PLCB3: variants seen among roughly 807,000 people sequenced by gnomAD.
The protein encoded by PLCB3 is 1-phosphatidylinositol 4,5-bisphosphate phosphodiesterase beta-3.
In PLCB3, 54 loss-of-function variants were observed where a neutral mutation model predicts 152.1. That is an observed-to-expected ratio of 0.36 (90% CI 0.29 to 0.45). The LOEUF (loss-of-function observed/expected upper bound fraction) is 0.45. Ranked by LOEUF, PLCB3 falls within the 20% of genes least tolerant of loss-of-function variation. PLCB3 has a pLI of 1.00. For synonymous variants in PLCB3, 717 were observed against 698.7 expected, an observed-to-expected ratio of 1.03 and a Z score of -0.41; for missense variants, 1,248 against 1,687.5, an observed-to-expected ratio of 0.74 and a Z score of 4.56.
rs961593326 is a variant in PLCB3 at position 64,262,736 on chromosome 11, G to A, written c.2283G>A (p.Lys761=). 4 of 1,613,866 alleles carry A rather than the reference G, an allele frequency of 2.5e-6. No individual in the cohort carries two copies. Among genetic ancestry groups the A allele is most frequent in the Middle Eastern group, 1.6e-4 (1 of 6,062 alleles). The change falls in exon 19 of 31, where the codon AAG becomes AAA. Residue 761 remains lysine, a synonymous_variant. Coordinates refer to ENST00000279230, the MANE Select transcript of PLCB3 (RefSeq NM_000932.5). ...MFGLPVDTRR[K]YRTRTSQGNS... The stretch of plus-strand genomic sequence containing the variant: ...GCCTCCCTGTTGATACGCGGCGCAA[G>A]TACCGCACCCGGACCTCTCAGGGGA...
chr11:64,252,889 G>T (rs2031308534), intron 1 of PLCB3, among the ~76,000 whole-genome samples: 1 of 152,186 alleles, frequency 6.6e-6, no homozygotes, highest in Admixed American at 6.5e-5. Context: ...CAGACCCCTG[G>T]GGAGAGGTGG....
At position 64,262,775 on chromosome 11, in the gene PLCB3, C is replaced by T. The variant is rs761637040; in HGVS notation, c.2322C>T (p.Pro774=). Residue 774 remains proline (P), a synonymous_variant, in exon 19 of 31, where the codon CCC becomes CCT. Transcript: ENST00000279230. The stretch of plus-strand genomic sequence containing the variant: ...CCTCTCAGGGGAACTCGTTCAACCC[C>T]GTGTGGGACGAAGAGCCCTTCGACT... ...TRTSQGNSFN[P]VWDEEPFDFP... The T allele has an allele frequency of 1.5e-5, 24 of 1,613,774 alleles. No homozygotes were observed. Among genetic ancestry groups the T allele is most frequent in the East Asian group, 4.5e-5 (2 of 44,884 alleles).
chr11:64,265,070 C>A lies in PLCB3; in HGVS notation c.2772C>A (p.Thr924=). 1 of 1,544,602 alleles carries A rather than the reference C, an allele frequency of 6.5e-7. No individual in the cohort carries two copies. Among genetic ancestry groups the A allele is most frequent in the East Asian group, 2.4e-5 (1 of 41,284 alleles). Residue 924 remains threonine, a synonymous_variant, in exon 23 of 31, where the codon ACC becomes ACA. Coordinates refer to ENST00000279230, the MANE Select transcript of PLCB3 (RefSeq NM_000932.5). The part of the protein sequence containing the change: ...DASPRRPPGP[T]TSPASTSLSS... ...CCCCCCGCCGGCCCCCTGGCCCCAC[C>A]ACCTCCCCTGCCAGCACCTCCCTCA... is the stretch of plus-strand genomic sequence containing the variant.
chr11:64,263,124 G>T (rs984867403), intron 19 of PLCB3, among the ~76,000 whole-genome samples: 2 of 152,182 alleles, frequency 1.3e-5, no homozygotes, highest in Admixed American at 1.3e-4. Flanking sequence ...GCTCATATCC[G>T]CTCTTCAGCA....
At chr11:64,256,997 C>G (rs76342273) in intron 10 of PLCB3, among the ~76,000 whole-genome samples, 1 of 61,562 alleles carries the variant, frequency 1.6e-5, no homozygotes, top group Non-Finnish European at 2.9e-5. Context: ...CTTCAGGGTC[C>G]TTTTTTTTTT....
At chr11:64,254,654 G>A (rs2031419801) in intron 2 of PLCB3, 94 bp from the exon 3 acceptor site, 2 of 1,428,582 alleles carry the variant, frequency 1.4e-6, no homozygotes, top group African/African-American at 1.4e-5. Context: ...ATAGCCAGGG[G>A]CTGGCCATTC....
Position 64,259,195 on chromosome 11 carries a change from T to C in PLCB3, c.1476T>C (p.Ser492=), listed in dbSNP as rs982445417. 1.3e-6 allele frequency: 2 copies of C among 1,589,972 alleles called. No homozygotes were observed. The highest frequency in any genetic ancestry group is 1.7e-6 in the Non-Finnish European group (2 of 1,168,950). ...GRKRPLEQSN[S]ALSESSAATE... ...AGCGGCCCCTGGAGCAGAGCAATTC[T>C]GCCCTGAGCGAGAGCTCCGCGGCCA... Residue 492 remains serine (S), a synonymous_variant, in exon 13 of 31, where the codon TCT becomes TCC. Transcript: ENST00000279230.
At chr11:64,262,217 C>T (rs926760543) in intron 17 of PLCB3, 141 bp downstream of exon 17, 80 of 1,341,098 alleles carry the variant, frequency 6.0e-5, no homozygotes, top group Non-Finnish European at 7.7e-5. Context: ...CGACTCACCC[C>T]GCCTCCTGCC....
At chr11:64,256,576 G>T (rs28395875) in intron 9 of PLCB3, 34 bp downstream of exon 9, 51 of 1,613,104 alleles carry the variant, frequency 3.2e-5, no homozygotes, top group Non-Finnish European at 4.1e-5. Flanking sequence ...GGTGGGGGCA[G>T]GTGGGACCCC....
In PLCB3 at chr11:64,256,703, G is replaced by C. The variant is rs146411012; in HGVS notation, c.951G>C (p.Thr317=). 19 of 1,614,118 alleles carry C rather than the reference G, an allele frequency of 1.2e-5. No individual in the cohort carries two copies. The highest frequency in any genetic ancestry group is 1.7e-5 in the Admixed American group (1 of 60,012). Residue 317 remains threonine (T), a synonymous_variant, in exon 10 of 31, where the codon ACG becomes ACC. Transcript: ENST00000279230. ...CCCTGGAAGCCCTGGATCTGAGCACGGACATGACCCAGCCACTGAGTGCCT... is the reference window on the plus strand; with the variant it reads ...CCCTGGAAGCCCTGGATCTGAGCACCGACATGACCCAGCCACTGAGTGCCT... ...ILPLEALDLS[T]DMTQPLSAYF...
intron 13 of PLCB3, 87 bp from the exon 14 acceptor site, chr11:64,259,942 C>G (rs764252696): frequency 2.7e-6 from 3 of 1,128,354 alleles, no homozygotes; most frequent in Non-Finnish European, 3.8e-6. Flanking sequence ...ACTGAGTCAC[C>G]TCGGCACACA....
intron 10 of PLCB3, among the ~76,000 whole-genome samples, chr11:64,257,943 C>G (rs1341767130): frequency 6.6e-6 from 1 of 151,998 alleles, no homozygotes; most frequent in African/African-American, 2.4e-5. Context: ...CACCTGAGGT[C>G]AGGAGTTCGA....
chr11:64,265,864 C>T lies in PLCB3; in HGVS notation c.3036-22C>T, dbSNP rs1267650755. On this transcript the variant is annotated intron_variant, in intron 25 of 30. Transcript: ENST00000279230. ...GTCCATGTGACGGGCCCAGGCATCA[C>T]CCAGAGGGGTTCTCCTCGCAGAGGT... 8 of 1,610,062 alleles carry T rather than the reference C, an allele frequency of 5.0e-6. No homozygotes were observed. In the South Asian group the frequency reaches 8.8e-5, roughly 18 times the overall value.
rs1485323529 is a variant in PLCB3, at chr11:64,258,988, AG to A, written c.1338+25del. On this transcript the variant is annotated intron_variant, in intron 12 of 30. Transcript: ENST00000279230. The surrounding 1 kb of genome is among the most constrained non-coding windows in gnomAD (Gnocchi z 7.2). ...GTACCCGGTACGGGAGCTCGGAGCGAGGGGGGTGGCATGGGGGCCAGGGTGC... is the reference window on the plus strand; with the variant it reads ...GTACCCGGTACGGGAGCTCGGAGCGAGGGGGTGGCATGGGGGCCAGGGTGC... 8 of 1,613,390 alleles carry A rather than the reference AG, an allele frequency of 5.0e-6. No individual in the cohort carries two copies. Among genetic ancestry groups the A allele is most frequent in the South Asian group, 2.2e-5 (2 of 91,076 alleles).
In PLCB3 at chr11:64,267,550, G is replaced by C. The variant is rs886939466; in HGVS notation, c.3699G>C (p.Gln1233His). ...CGGAGAGCCAGGAGGAGAACACGCA[G>C]CTCTGAACTGGCTGAGCGAGGTGGC... ...ADSESQEENT[Q>H]L The change falls in exon 31 of 31, where the codon CAG (glutamine) becomes CAC (histidine). Residue 1233 changes from glutamine (Q) to histidine (H), a missense_variant. Coordinates refer to ENST00000279230, the MANE Select transcript of PLCB3 (RefSeq NM_000932.5). This position sits in a 1 kb window ranked among gnomAD's most constrained non-coding sequence, Gnocchi z 5.2. 1 of 1,561,888 alleles carries C rather than the reference G, an allele frequency of 6.4e-7. No homozygotes were observed. Among genetic ancestry groups the C allele is most frequent in the African/African-American group, 1.4e-5 (1 of 73,902 alleles).
chr11:64,258,905 T>C lies in PLCB3; in HGVS notation c.1274T>C (p.Met425Thr), dbSNP rs1285886213. ...HVDSAKQQAK[M>T]AEYCRSIFGD... ...CGCAGGGCAAAGCAACAGGCAAAGA[T>C]GGCTGAGTACTGCCGCTCCATCTTT... The change falls in exon 12 of 31, where the codon ATG becomes ACG. Residue 425 changes from methionine (M) to threonine (T), a missense_variant. Met to Thr is a moderately conservative substitution (Grantham distance 81). Coordinates refer to ENST00000279230, the MANE Select transcript of PLCB3 (RefSeq NM_000932.5). This position sits in a 1 kb window ranked among gnomAD's most constrained non-coding sequence, Gnocchi z 7.2. The C allele has an allele frequency of 6.2e-7, 1 of 1,613,976 alleles. No homozygotes were observed. Among genetic ancestry groups the C allele is most frequent in the Non-Finnish European group, 8.5e-7 (1 of 1,180,000 alleles).
chr11:64,266,015 G>C lies in PLCB3; in HGVS notation c.3165G>C (p.Gln1055His). ...AGGCCCAGGTGGACGCAGAGGCCCA[G>C]CGGAGGCTGGAACACCTGAGACAGG... ...LREAQVDAEA[Q>H]RRLEHLRQAL... The change falls in exon 26 of 31, where the codon CAG becomes CAC. Residue 1055 changes from glutamine (Q) to histidine (H), a missense_variant. By Grantham distance (24) the Gln-to-His change is conservative. Around this residue, in one of 6 missense-constraint regions of PLCB3, gnomAD observed 477 missense variants for 489.6 expected, o/e 0.97. Coordinates refer to ENST00000279230, the MANE Select transcript of PLCB3 (RefSeq NM_000932.5). The surrounding 1 kb of genome is among the most constrained non-coding windows in gnomAD (Gnocchi z 4.9). 6.2e-7 allele frequency: 1 copy of C among 1,614,096 alleles called. No individual in the cohort carries two copies. Among genetic ancestry groups the C allele is most frequent in the Non-Finnish European group, 8.5e-7 (1 of 1,180,016 alleles).
rs763561085 is a variant in PLCB3 at position 64,263,512 on chromosome 11, G to A, written c.2370G>A (p.Thr790=). Reference sequence around the variant, plus strand: ...CTGGCCCACAGGTGGTGCTGCCCACGCTGGCTTCACTTCGCATTGCAGCCT... The same window carrying A: ...CTGGCCCACAGGTGGTGCTGCCCACACTGGCTTCACTTCGCATTGCAGCCT... ...PFDFPKVVLP[T]LASLRIAAFE... is the part of the protein sequence containing the mutation. Residue 790 remains threonine, a synonymous_variant, in exon 20 of 31, where the codon ACG becomes ACA. Transcript: ENST00000279230. 6 of 1,559,368 alleles carry A rather than the reference G, an allele frequency of 3.8e-6. No individual in the cohort carries two copies. Among genetic ancestry groups the A allele is most frequent in the South Asian group, 2.3e-5 (2 of 85,802 alleles).
chr11:64,264,927 G>A, intron 22 of PLCB3, 24 bp from the exon 23 acceptor site: 2 of 1,612,530 alleles, frequency 1.2e-6, no homozygotes, highest in Admixed American at 3.3e-5. Flanking sequence ...TTTCTGAAAA[G>A]AGCATTCTCC....
Sources: gnomAD v4.1 joint callset for allele counts (sites outside exome capture counted in the v4.1 genomes callset) on GRCh38, gnomAD v4.1.1 for gene constraint, gnomAD v4.1.1 regional missense constraint, Gnocchi (gnomAD v3.1) non-coding constraint, MANE v1.5 for transcripts, NCBI Gene and HGNC (gene_info 2026-07-23, HGNC 2026-07-21) for gene names.